The following CHD1L variants were observed in gnomAD, a reference collection of about 807,000 sequenced individuals.
CHD1L encodes ATP-dependent chromatin remodeler CHD1L.
Under a neutral mutation model 115.9 loss-of-function variants are expected in CHD1L, and 118 were observed. That is an observed-to-expected ratio of 1.02 (90% CI 0.88 to 1.19). The LOEUF is 1.19. CHD1L is among the 50% of genes most tolerant of loss of function. The pLI is 0.00. For synonymous variants in CHD1L, 411 were observed against 387.1 expected, an observed-to-expected ratio of 1.06 and a Z score of -0.72; for missense variants, 1,179 against 1,065.3, an observed-to-expected ratio of 1.11 and a Z score of -1.49.
chr1:147,176,574 G>A, the CHD1L span, among the ~76,000 whole-genome samples: 2 of 152,136 alleles, frequency 1.3e-5, no homozygotes, highest in African/African-American at 4.8e-5. Flanking sequence ...CACATGCTCT[G>A]GAAATCTCTA....
the CHD1L span, among the ~76,000 whole-genome samples, chr1:147,237,353 C>T: frequency 6.6e-6 from 1 of 152,124 alleles, no homozygotes; most frequent in Non-Finnish European, 1.5e-5. Flanking sequence ...GGTGGGGCTC[C>T]TGCCTGCTCC....
intron 16 of CHD1L, among the ~76,000 whole-genome samples, chr1:147,285,051 T>C (rs1354823133): frequency 1.3e-5 from 2 of 152,234 alleles, no homozygotes; most frequent in African/African-American, 4.8e-5. Flanking sequence ...AAGTAACTTA[T>C]TCCTAATGAA....
the CHD1L span, among the ~76,000 whole-genome samples, chr1:147,220,207 C>A: frequency 9.8e-3 from 1,486 of 152,166 alleles, 24 homozygotes; most frequent in African/African-American, 0.034. Flanking sequence ...TATAGTAATA[C>A]CCCTGAAATT....
intron 10 of CHD1L, among the ~76,000 whole-genome samples, chr1:147,270,687 G>A (rs958851143): frequency 1.3e-5 from 2 of 152,010 alleles, no homozygotes; most frequent in Admixed American, 6.5e-5. Flanking sequence ...GCATTGACAC[G>A]TCTCCTGGGA....
At position 147,242,739 on chromosome 1, in the gene CHD1L, A is replaced by C. The variant is rs587765929; in HGVS notation, c.36A>C (p.Gln12His). 1 of 1,261,968 alleles carries C rather than the reference A, an allele frequency of 7.9e-7. No individual in the cohort carries two copies. The highest frequency in any genetic ancestry group is 1.0e-6 in the Non-Finnish European group (1 of 997,554). The allele number at this position is 1,261,968 out of a possible 1,614,324, so 78.2% of individuals were successfully genotyped here. The change falls in exon 1 of 23, where the codon CAA becomes CAC. Residue 12 changes from glutamine to histidine, a missense_variant. Coordinates refer to ENST00000369258, the MANE Select transcript of CHD1L (RefSeq NM_004284.6). ...CGGGCGCTACTAGCCGCGGGGGCCA[A>C]GCCCCTGGCTTCTTACTGCGGCTTC... is the stretch of plus-strand genomic sequence containing the variant. ...ERAGATSRGG[Q>H]APGFLLRLHT...
the CHD1L span, chr1:147,215,585 A>G: frequency 1.8e-6 from 1 of 553,204 alleles, no homozygotes; most frequent in Non-Finnish European, 3.2e-6. Flanking sequence ...TGTCCCTTGA[A>G]TATTTTTGAG....
intron 22 of CHD1L, among the ~76,000 whole-genome samples, chr1:147,295,008 G>A (rs1001515081): frequency 1.3e-5 from 2 of 152,066 alleles, no homozygotes; most frequent in African/African-American, 4.8e-5. Context: ...CTAGACTAGC[G>A]TTTTCTTCTA....
chr1:147,233,261 G>A, the CHD1L span, among the ~76,000 whole-genome samples: 17 of 151,802 alleles, frequency 1.1e-4, no homozygotes, highest in South Asian at 8.3e-4. Flanking sequence ...CCCTCCGCCC[G>A]GCAGCCGCCC....
the CHD1L span, chr1:147,178,976 A>C: frequency 6.2e-7 from 1 of 1,613,584 alleles, no homozygotes; most frequent in Non-Finnish European, 8.5e-7. Flanking sequence ...ATGGTGGCAA[A>C]GAAATTCCTG....
At chr1:147,253,871 G>A (rs1321542700) in intron 2 of CHD1L, among the ~76,000 whole-genome samples, 8 of 152,150 alleles carry the variant, frequency 5.3e-5, no homozygotes, top group African/African-American at 1.2e-4. Flanking sequence ...TTTTTACTTC[G>A]TTATATTCTT....
chr1:147,178,046 C>T, the CHD1L span: 3 of 781,548 alleles, frequency 3.8e-6, no homozygotes, highest in Non-Finnish European at 5.8e-6. Context: ...TAGGTGGTCG[C>T]GCGCCCGACC....
intron 2 of CHD1L, 141 bp downstream of exon 2, chr1:147,252,876 C>T (rs782111466): frequency 1.6e-4 from 102 of 657,710 alleles, no homozygotes; most frequent in Non-Finnish European, 2.5e-4. Flanking sequence ...GCTCTTGCAC[C>T]GGGAAAGGGC....
intron 14 of CHD1L, among the ~76,000 whole-genome samples, chr1:147,277,044 C>T (rs1205195253): frequency 3.3e-5 from 5 of 152,058 alleles, no homozygotes; most frequent in African/African-American, 1.2e-4. Context: ...AGTTGGGTCT[C>T]AACAGTAGGG....
chr1:147,226,920 T>G, the CHD1L span, among the ~76,000 whole-genome samples: 1 of 151,856 alleles, frequency 6.6e-6, no homozygotes, highest in Non-Finnish European at 1.5e-5. Flanking sequence ...GCAGCCTCTA[T>G]CTCCTGGGCT....
At chr1:147,237,399 A>T in the CHD1L span, among the ~76,000 whole-genome samples, 3 of 151,656 alleles carry the variant, frequency 2.0e-5, no homozygotes, top group African/African-American at 7.3e-5. Context: ...GAGTTGGTGG[A>T]CATGACTCAG....
chr1:147,232,784 G>A, the CHD1L span, among the ~76,000 whole-genome samples: 72 of 152,356 alleles, frequency 4.7e-4, no homozygotes, highest in East Asian at 0.012. Flanking sequence ...TGCAGATGGT[G>A]TCTGGTTCAC....
At chr1:147,271,207 GAAAT>G in intron 11 of CHD1L, 1 of 462,820 alleles carries the variant, frequency 2.2e-6, no homozygotes, top group Non-Finnish European at 3.9e-6. Flanking sequence ...CACGTGGGCA[GAAAT>G]AAACACCCAC....
the CHD1L span, among the ~76,000 whole-genome samples, chr1:147,207,535 T>TG: frequency 6.6e-6 from 1 of 152,194 alleles, no homozygotes; most frequent in East Asian, 1.9e-4. Flanking sequence ...TTCTTCTCAT[T>TG]AGAGTATTTA....
chr1:147,256,652 G>T (rs1553940794), intron 5 of CHD1L, 90 bp downstream of exon 5: 4 of 1,287,940 alleles, frequency 3.1e-6, no homozygotes, highest in Non-Finnish European at 4.5e-6. Context: ...GCCTCTCCTG[G>T]CATGTCTGGT....
Sources: gnomAD v4.1 joint callset for allele counts (sites outside exome capture counted in the v4.1 genomes callset) on GRCh38, gnomAD v4.1.1 for gene constraint, MANE v1.5 for transcripts, NCBI Gene and HGNC (gene_info 2026-07-23, HGNC 2026-07-21) for gene names.